CRB1: variants seen among roughly 807,000 people sequenced by gnomAD.
CRB1 encodes the protein protein crumbs homolog 1.
In CRB1, 83 loss-of-function variants were observed where a neutral mutation model predicts 120.0. That is an observed-to-expected ratio of 0.69 (90% CI 0.58 to 0.83). The LOEUF is 0.83. Among genes scored for constraint, CRB1 ranks in the 40% least tolerant of loss-of-function variants. The pLI, the probability that CRB1 is intolerant of heterozygous loss-of-function variation, is 0.00. For missense variants in CRB1, 1,699 were observed against 1,687.6 expected, an observed-to-expected ratio of 1.01 and a Z score of -0.12; for synonymous variants, 625 against 612.5, an observed-to-expected ratio of 1.02 and a Z score of -0.30.
the CRB1 span, among the ~76,000 whole-genome samples, chr1:197,243,133 G>A: frequency 6.6e-6 from 1 of 151,798 alleles, no homozygotes; most frequent in African/African-American, 2.4e-5. Flanking sequence ...CCAGCTCCTG[G>A]ATTCATTGAT....
chr1:197,473,014 A>G (rs1038298746), intron 11 of CRB1, among the ~76,000 whole-genome samples: 1 of 152,194 alleles, frequency 6.6e-6, no homozygotes, highest in African/African-American at 2.4e-5. Context: ...CCCATTTATT[A>G]TACTTATCCT....
intron 5 of CRB1, among the ~76,000 whole-genome samples, chr1:197,380,429 C>T (rs1661891099): frequency 6.6e-6 from 1 of 152,146 alleles, no homozygotes; most frequent in African/African-American, 2.4e-5. Flanking sequence ...CAGCTGTGGT[C>T]ATTCACTTAA....
chr1:197,308,605 C>T (rs746474625), intron 1 of CRB1, among the ~76,000 whole-genome samples: 3 of 151,876 alleles, frequency 2.0e-5, no homozygotes, highest in Admixed American at 1.3e-4. Context: ...GTCATTTTTA[C>T]TATAATGATG....
chr1:197,372,038 T>G (rs762862172), intron 5 of CRB1, among the ~76,000 whole-genome samples: 1 of 152,146 alleles, frequency 6.6e-6, no homozygotes, highest in Non-Finnish European at 1.5e-5. Flanking sequence ...AATTTTCATA[T>G]GAATATGCCA....
At chr1:197,467,519 A>AT (rs951440535) in intron 11 of CRB1, among the ~76,000 whole-genome samples, 3 of 152,158 alleles carry the variant, frequency 2.0e-5, no homozygotes, top group African/African-American at 7.2e-5. Flanking sequence ...TCCCTTATAG[A>AT]TTTTTTAAAT....
At chr1:197,460,236 T>A (rs1468498471) in intron 11 of CRB1, among the ~76,000 whole-genome samples, 3 of 152,038 alleles carry the variant, frequency 2.0e-5, no homozygotes, top group Non-Finnish European at 4.4e-5. Context: ...AATAGACTGA[T>A]GTTATTACTC....
chr1:197,374,569 T>C (rs1661544959), intron 5 of CRB1, among the ~76,000 whole-genome samples: 1 of 151,898 alleles, frequency 6.6e-6, no homozygotes, highest in South Asian at 2.1e-4. Flanking sequence ...CTTAAAGAAG[T>C]TGATGTTGTG....
intron 4 of CRB1, among the ~76,000 whole-genome samples, chr1:197,354,703 G>C (rs986929621): frequency 6.6e-6 from 1 of 151,366 alleles, no homozygotes; most frequent in Non-Finnish European, 1.5e-5. Flanking sequence ...GTGGGCAACA[G>C]CAAGAGTTAT....
the CRB1 span, among the ~76,000 whole-genome samples, chr1:197,255,038 AT>A: frequency 6.6e-6 from 1 of 152,048 alleles, no homozygotes; most frequent in Non-Finnish European, 1.5e-5. Flanking sequence ...TGGATTCTTA[AT>A]TAAACTTTTT....
chr1:197,423,574 AT>A (rs1664438779), intron 6 of CRB1, among the ~76,000 whole-genome samples: 1 of 152,140 alleles, frequency 6.6e-6, no homozygotes, highest in South Asian at 2.1e-4. Flanking sequence ...TCTTGAAGGA[AT>A]GTTTCCTGGA....
chr1:197,418,721 A>G (rs990005283), intron 5 of CRB1, among the ~76,000 whole-genome samples: 2 of 152,232 alleles, frequency 1.3e-5, no homozygotes, highest in African/African-American at 4.8e-5. Context: ...TAGGAAGGTC[A>G]TGATGAATTC....
At chr1:197,210,607 A>G in the CRB1 span, among the ~76,000 whole-genome samples, 1 of 152,128 alleles carries the variant, frequency 6.6e-6, no homozygotes, top group East Asian at 1.9e-4. Flanking sequence ...CAGTCTACCT[A>G]TCTAAGAGCC....
At chr1:197,355,107 A>C (rs1660391794) in intron 4 of CRB1, among the ~76,000 whole-genome samples, 1 of 151,730 alleles carries the variant, frequency 6.6e-6, no homozygotes, top group Non-Finnish European at 1.5e-5. Context: ...CAGGGTGCTG[A>C]TTGATGTGTT....
chr1:197,222,723 T>G, the CRB1 span: 4 of 851,602 alleles, frequency 4.7e-6, no homozygotes, highest in Non-Finnish European at 8.2e-6. Context: ...TCCCCTGAAT[T>G]CTCTGAGTAG....
chr1:197,277,102 AT>A (rs869175781), intron 1 of CRB1, among the ~76,000 whole-genome samples: 3 of 151,906 alleles, frequency 2.0e-5, no homozygotes, highest in Non-Finnish European at 2.9e-5. Flanking sequence ...GGGAAGATTT[AT>A]TTTTTTAAAA....
chr1:197,216,305 C>T, the CRB1 span, among the ~76,000 whole-genome samples: 1 of 152,166 alleles, frequency 6.6e-6, no homozygotes, highest in African/African-American at 2.4e-5. Context: ...CTTGCCTACT[C>T]ACCTATGGAA....
chr1:197,387,995 T>A (rs1313777701), intron 5 of CRB1, among the ~76,000 whole-genome samples: 6 of 151,746 alleles, frequency 4.0e-5, no homozygotes, highest in Non-Finnish European at 7.4e-5. Flanking sequence ...CATCTCTCTC[T>A]CTCTCTATAT....
At chr1:197,400,123 A>G (rs981178315) in intron 5 of CRB1, among the ~76,000 whole-genome samples, 1 of 152,030 alleles carries the variant, frequency 6.6e-6, no homozygotes, top group Non-Finnish European at 1.5e-5. Flanking sequence ...AAACCAAAAG[A>G]TTCACTAGAT....
intron 1 of CRB1, among the ~76,000 whole-genome samples, chr1:197,305,908 A>G (rs969515359): frequency 3.9e-5 from 6 of 152,004 alleles, no homozygotes; most frequent in Admixed American, 3.3e-4. Flanking sequence ...TAATTGAAAA[A>G]AAAAAAAACA....
Sources: allele counts gnomAD v4.1 joint callset (sites outside exome capture counted in the v4.1 genomes callset), GRCh38; gene constraint gnomAD v4.1.1; transcripts MANE v1.5; gene names NCBI Gene and HGNC (gene_info 2026-07-23, HGNC 2026-07-21).